The following MYO3A variants were observed in gnomAD, a reference collection of about 807,000 sequenced individuals.
MYO3A encodes myosin IIIA, also known as myosin-IIIa.
Under a neutral mutation model 192.7 loss-of-function variants are expected in MYO3A, and 180 were observed. That is an observed-to-expected ratio of 0.93 (90% CI 0.83 to 1.06). The LOEUF is 1.06. Ranked by LOEUF, MYO3A falls within the 50% of genes least tolerant of loss-of-function variation. The pLI is 0.00. For missense variants in MYO3A, 1,896 were observed against 1,905.0 expected (o/e 1.00, Z 0.09); for synonymous variants, 628 against 645.3 (o/e 0.97, Z 0.41).
intron 7 of MYO3A, among the ~76,000 whole-genome samples, chr10:26,020,720 T>A (rs958661597): frequency 3.3e-5 from 5 of 152,260 alleles, no homozygotes; most frequent in African/African-American, 1.2e-4. Flanking sequence ...CCATTCACAA[T>A]CAATCTGCAT....
At chr10:26,114,447 G>T in intron 17 of MYO3A, among the ~76,000 whole-genome samples, 1 of 152,038 alleles carries the variant, frequency 6.6e-6, no homozygotes, top group East Asian at 1.9e-4. Context: ...CCAACCACAG[G>T]GCTCTGCCAC....
intron 4 of MYO3A, among the ~76,000 whole-genome samples, chr10:25,976,667 C>T (rs1490871715): frequency 1.3e-5 from 2 of 152,096 alleles, no homozygotes; most frequent in African/African-American, 2.4e-5. Context: ...CAGTGCTGCT[C>T]TGTTATTTAA....
chr10:26,198,743 C>T (rs1344154760), intron 32 of MYO3A, among the ~76,000 whole-genome samples: 7 of 152,110 alleles, frequency 4.6e-5, no homozygotes, highest in African/African-American at 1.7e-4. Flanking sequence ...GTCTTCAGAG[C>T]TAAGACACTA....
At chr10:26,173,522 G>A (rs1010321147) in intron 29 of MYO3A, 141 bp from the exon 30 acceptor site, 1 of 720,056 alleles carries the variant, frequency 1.4e-6, no homozygotes, top group Non-Finnish European at 2.2e-6. Context: ...CTTGATTAAT[G>A]TGACTTGATA....
chr10:26,088,660 A>G (rs574552995), intron 15 of MYO3A, among the ~76,000 whole-genome samples: 15 of 152,362 alleles, frequency 9.8e-5, no homozygotes, highest in African/African-American at 3.1e-4. Context: ...AGAGGTACTA[A>G]CAGCGTAAAT....
At chr10:26,041,591 A>C (rs1286597008) in intron 10 of MYO3A, among the ~76,000 whole-genome samples, 1 of 151,528 alleles carries the variant, frequency 6.6e-6, no homozygotes, top group Non-Finnish European at 1.5e-5. Flanking sequence ...TATAACTGCT[A>C]TATGTTTTCT....
At chr10:26,104,149 T>A (rs1837645610) in intron 17 of MYO3A, among the ~76,000 whole-genome samples, 1 of 152,060 alleles carries the variant, frequency 6.6e-6, no homozygotes, top group Non-Finnish European at 1.5e-5. Context: ...TGTTATATTT[T>A]CCCTTTCTTG....
At chr10:26,111,995 G>A (rs527673984) in intron 17 of MYO3A, among the ~76,000 whole-genome samples, 6 of 152,000 alleles carry the variant, frequency 3.9e-5, no homozygotes, top group Non-Finnish European at 8.8e-5. Flanking sequence ...ATTTTTAATT[G>A]GTTTGTTTAC....
chr10:26,148,136 AGCAC>A (rs1229308546), intron 23 of MYO3A, among the ~76,000 whole-genome samples: 1 of 152,194 alleles, frequency 6.6e-6, no homozygotes, highest in African/African-American at 2.4e-5. Context: ...GACATATATA[AGCAC>A]CTGTAAAACT....
At chr10:26,156,796 T>A (rs1841156211) in intron 25 of MYO3A, among the ~76,000 whole-genome samples, 1 of 152,194 alleles carries the variant, frequency 6.6e-6, no homozygotes, top group Non-Finnish European at 1.5e-5. Context: ...CATGCAGGTA[T>A]TAAGCCCAGT....
chr10:26,139,245 A>C (rs144960852), intron 20 of MYO3A, among the ~76,000 whole-genome samples: 1 of 152,090 alleles, frequency 6.6e-6, no homozygotes, highest in African/African-American at 2.4e-5. Flanking sequence ...AAAAATATAT[A>C]TATTTTTTGA....
At chr10:25,975,613 C>T (rs1383332653) in intron 4 of MYO3A, among the ~76,000 whole-genome samples, 1 of 152,050 alleles carries the variant, frequency 6.6e-6, no homozygotes, top group Non-Finnish European at 1.5e-5. Context: ...AAGACAAAGA[C>T]ATCATAAGAA....
chr10:26,145,982 T>C (rs1331779451), intron 22 of MYO3A, among the ~76,000 whole-genome samples: 1 of 152,230 alleles, frequency 6.6e-6, no homozygotes, highest in East Asian at 1.9e-4. Context: ...ACTGCCTTTT[T>C]CAGACTTTAG....
rs147761883 is a variant in MYO3A at position 26,111,393 on chromosome 10, T to C, written c.1777-9283T>C. Among the ~76,000 whole-genome samples the C allele has an allele frequency of 9.8e-5, 15 of 152,332 alleles. No homozygotes were observed. The East Asian group carries it at 2.9e-3, about 29-fold the overall frequency. ...TCTAATTCTGATGTCCCAGGCATCA[T>C]AAATGACCACTTGAGTGTTTTGCTC... is the stretch of plus-strand genomic sequence containing the variant. On this transcript the variant is annotated intron_variant, in intron 17 of 34. Transcript: ENST00000642920.
chr10:25,950,907 A>C (rs1564397714), intron 2 of MYO3A, among the ~76,000 whole-genome samples: 1 of 152,166 alleles, frequency 6.6e-6, no homozygotes, highest in South Asian at 2.1e-4. Context: ...TGTGAGGGCT[A>C]CCAGAAGTGC....
rs1341907094 is a variant in MYO3A at position 26,021,556 on chromosome 10, T to C, written c.639T>C (p.Thr213=). ...LDTTYDARCD[T]WSLGITAIEL... ...CCACTTATGACGCCAGATGTGACAC[T>C]TGGTCCCTGGGTATCACGGCCATTG... is the stretch of plus-strand genomic sequence containing the variant. Residue 213 remains threonine, a synonymous_variant, in exon 8 of 35, where the codon ACT becomes ACC. Transcript: ENST00000642920. The C allele has an allele frequency of 2.5e-6, 4 of 1,614,128 alleles. No individual in the cohort carries two copies. The highest frequency in any genetic ancestry group is 3.4e-6 in the Non-Finnish European group (4 of 1,179,968).
chr10:26,196,039 T>TAAA (rs1843391945), intron 32 of MYO3A, among the ~76,000 whole-genome samples: 1 of 152,214 alleles, frequency 6.6e-6, no homozygotes, highest in African/African-American at 2.4e-5. Flanking sequence ...GATACCTGCG[T>TAAA]TTGACAGTCA....
chr10:26,198,975 G>A (rs1272402799), intron 32 of MYO3A, among the ~76,000 whole-genome samples: 1 of 152,102 alleles, frequency 6.6e-6, no homozygotes, highest in East Asian at 1.9e-4. Context: ...TATAAAGTCC[G>A]TGTAATAAAT....
chr10:25,955,744 T>C (rs1453495428), intron 4 of MYO3A, among the ~76,000 whole-genome samples: 1 of 152,228 alleles, frequency 6.6e-6, no homozygotes, highest in African/African-American at 2.4e-5. Context: ...ATTGCTTTTA[T>C]CAAATTCAGA....
Sources: gnomAD v4.1 joint callset for allele counts (sites outside exome capture counted in the v4.1 genomes callset) on GRCh38, gnomAD v4.1.1 for gene constraint, MANE v1.5 for transcripts, NCBI Gene and HGNC (gene_info 2026-07-23, HGNC 2026-07-21) for gene names.